Variants in NHSL2 observed in about 807,000 individuals in gnomAD.
The protein encoded by NHSL2 is NHS like 2, also known as NHS-like protein 2.
A neutral mutation model predicts 53.4 loss-of-function variants in NHSL2; 27 were observed. The observed-to-expected ratio is 0.51, with a 90% CI of 0.37 to 0.70. NHSL2 has a LOEUF of 0.70. Ranked by LOEUF, NHSL2 falls within the 30% of genes least tolerant of loss-of-function variation. NHSL2 has a pLI of 0.00. For missense variants in NHSL2, 892 were observed against 980.1 expected, an observed-to-expected ratio of 0.91 and a Z score of 1.20; for synonymous variants, 408 against 404.1, an observed-to-expected ratio of 1.01 and a Z score of -0.12.
intron 1 of NHSL2, among the ~76,000 whole-genome samples, chrX:71,944,329 A>G (rs775366719): frequency 1.3e-3 from 142 of 112,534 alleles, no homozygotes; most frequent in African/African-American, 4.5e-3. Flanking sequence ...GCTGTGAGGT[A>G]GGCAACCAGC....
chrX:72,143,436 A>G lies in NHSL2; in HGVS notation c.3540A>G (p.Leu1180=). 8.6e-7 allele frequency: 1 copy of G among 1,167,384 alleles called. No homozygotes were observed. Residue 1180 remains leucine, a synonymous_variant, in exon 8 of 8, where the codon CTA becomes CTG. Transcript: ENST00000633930. ...GAAATGACGATTTCAAGGCCTTGCT[A>G]CAGAAGAAGGGAAGTAAGGCAACTC... is the stretch of plus-strand genomic sequence containing the variant. ...AGRNDDFKAL[L]QKKGSKATPR... is the part of the protein sequence containing the mutation.
chrX:72,059,366 A>G (rs1431372457), intron 1 of NHSL2, among the ~76,000 whole-genome samples: 4 of 111,193 alleles, frequency 3.6e-5, no homozygotes, highest in African/African-American at 1.3e-4. Context: ...TCCCTTGCCC[A>G]AAGCTTCTGT....
At chrX:71,996,039 A>G (rs771897621) in intron 1 of NHSL2, among the ~76,000 whole-genome samples, 5 of 112,369 alleles carry the variant, frequency 4.4e-5, no homozygotes, top group Non-Finnish European at 9.4e-5. Context: ...TGTAGGAGTT[A>G]GCAGGTCTAG....
intron 1 of NHSL2, among the ~76,000 whole-genome samples, chrX:72,048,070 GATAACAATAATA>G (rs201770064): frequency 0.06 from 6,062 of 101,630 alleles, 250 homozygotes; most frequent in East Asian, 0.2. Flanking sequence ...CACTCATGAT[GATAACAATAATA>G]ATAATAATAA....
intron 1 of NHSL2, among the ~76,000 whole-genome samples, chrX:72,074,646 A>C (rs747146092): frequency 2.9e-4 from 33 of 112,802 alleles, no homozygotes; most frequent in Admixed American, 9.4e-4. Flanking sequence ...AATGTCAAAT[A>C]CAAGGGGAAT....
At chrX:72,083,124 T>A (rs2147426905) in intron 1 of NHSL2, among the ~76,000 whole-genome samples, 1 of 111,609 alleles carries the variant, frequency 9.0e-6, no homozygotes, top group Admixed American at 9.5e-5. Context: ...AGGGTCCCCC[T>A]CTCTCCAGCC....
Position 72,130,898 on chromosome X carries a change from C to A in NHSL2, c.281-1181C>A, listed in dbSNP as rs766056132. On this transcript the variant is annotated intron_variant, in intron 1 of 7. Coordinates refer to ENST00000633930, the MANE Select transcript of NHSL2 (RefSeq NM_001013627.3). ...TCATCCAGGAAGCGCGGGAAGTTGG[C>A]ATGCAAGGGGCTTCCTTCCTGGGTG... 4.1e-6 allele frequency: 5 copies of A among 1,210,145 alleles called. No homozygotes were observed. In the East Asian group the frequency reaches 1.2e-4, roughly 29 times the overall value.
At chrX:72,090,772 A>AGTGTGT (rs372070874) in intron 1 of NHSL2, among the ~76,000 whole-genome samples, 38 of 94,027 alleles carry the variant, frequency 4.0e-4, no homozygotes, top group African/African-American at 8.8e-4. Flanking sequence ...AGTGTATGTG[A>AGTGTGT]GTGTGTGTGT....
At chrX:72,130,606 C>T in intron 1 of NHSL2, 4 of 1,211,586 alleles carry the variant, frequency 3.3e-6, no homozygotes, top group Non-Finnish European at 4.5e-6. Context: ...CTTGGGAACG[C>T]GCACTTTTCT....
At chrX:72,047,648 G>A (rs1295716314) in intron 1 of NHSL2, among the ~76,000 whole-genome samples, 1 of 111,858 alleles carries the variant, frequency 8.9e-6, no homozygotes, top group Non-Finnish European at 1.9e-5. Flanking sequence ...AATGTTTCCT[G>A]ATGAGAACCA....
intron 1 of NHSL2, among the ~76,000 whole-genome samples, chrX:72,098,580 CAAAAAAAA>C (rs59018262): frequency 1.9e-5 from 1 of 51,429 alleles, no homozygotes; most frequent in African/African-American, 6.1e-5. Context: ...GACTCCGTCT[CAAAAAAAA>C]AAAAAAAAGA....
In NHSL2 at chrX:72,148,456, C is replaced by T. The variant is rs970299166; in HGVS notation, c.*4882C>T. 3 of 111,550 alleles carry T rather than the reference C, an allele frequency of 2.7e-5. No individual in the cohort carries two copies. Among genetic ancestry groups the T allele is most frequent in the Non-Finnish European group, 5.6e-5 (3 of 53,180 alleles). 9.2% of individuals were successfully genotyped at this position (111,550 alleles called of 1,213,427 possible). On this transcript the variant is annotated 3_prime_UTR_variant, in exon 8 of 8. Transcript: ENST00000633930. ...CCACAGCCCCCAATCCTTTCAAAGG[C>T]TTTGCATGTATTTCAGCTACAAGTG...
intron 1 of NHSL2, chrX:72,130,995 G>A (rs746593940): frequency 4.1e-6 from 5 of 1,211,138 alleles, no homozygotes; most frequent in Non-Finnish European, 4.5e-6. Context: ...CGGCGCCCCC[G>A]GGGAAATGAA....
Position 72,147,346 on chromosome X carries a change from A to G in NHSL2, c.*3772A>G, listed in dbSNP as rs1343446875. ...GAGGTGCCCGCTCTCAGGGCCATGC[A>G]AGTGCCTTACCCTCGTCCCAGCCCT... On this transcript the variant is annotated 3_prime_UTR_variant, in exon 8 of 8. Transcript: ENST00000633930. 1.8e-5 allele frequency: 2 copies of G among 112,140 alleles called. No individual in the cohort carries two copies. Among genetic ancestry groups the G allele is most frequent in the African/African-American group, 6.5e-5 (2 of 30,839 alleles). 9.2% of individuals were successfully genotyped at this position (112,140 alleles called of 1,213,427 possible). A position where few individuals can be genotyped will look rare whatever the true frequency, so the allele number is the denominator to read the frequency against.
At chrX:72,002,327 A>G (rs6625934) in intron 1 of NHSL2, among the ~76,000 whole-genome samples, 9,692 of 112,194 alleles carry the variant, frequency 0.086, 405 homozygotes, top group East Asian at 0.28. Context: ...GCTATATTAC[A>G]GTCTCTTAGA....
rs1569484410 is a variant in NHSL2 at position 72,140,437 on chromosome X, A to G, written c.2889A>G (p.Thr963=). ...ASSSDAFFSG[T]QQPPQGSVED... is the part of the protein sequence containing the mutation. ...CCTCTGATGCTTTCTTCTCAGGAACACAGCAGCCTCCCCAGGGAAGTGTAG... is the reference window on the plus strand; with the variant it reads ...CCTCTGATGCTTTCTTCTCAGGAACGCAGCAGCCTCCCCAGGGAAGTGTAG... Residue 963 remains threonine, a synonymous_variant, in exon 6 of 8, where the codon ACA becomes ACG. Transcript: ENST00000633930. The G allele has an allele frequency of 8.3e-7, 1 of 1,209,718 alleles. No individual in the cohort carries two copies. Among genetic ancestry groups the G allele is most frequent in the East Asian group, 3.0e-5 (1 of 33,830 alleles).
At chrX:72,040,311 A>T (rs1448247782) in intron 1 of NHSL2, among the ~76,000 whole-genome samples, 1 of 111,968 alleles carries the variant, frequency 8.9e-6, no homozygotes, top group East Asian at 2.8e-4. Flanking sequence ...CCACTCTCTC[A>T]CACACACATA....
intron 1 of NHSL2, among the ~76,000 whole-genome samples, chrX:72,040,715 G>A (rs2042269638): frequency 8.9e-6 from 1 of 112,469 alleles, no homozygotes; most frequent in Non-Finnish European, 1.9e-5. Context: ...CCACAGAGCT[G>A]TCACTTTGGG....
chrX:72,110,809 A>C (rs1043774764), intron 1 of NHSL2, among the ~76,000 whole-genome samples: 1 of 105,676 alleles, frequency 9.5e-6, no homozygotes. Context: ...TACTGAGGCC[A>C]TGGCCTCCTC....
Sources: gnomAD v4.1 joint callset for allele counts (sites outside exome capture counted in the v4.1 genomes callset) on GRCh38, gnomAD v4.1.1 for gene constraint, MANE v1.5 for transcripts, NCBI Gene and HGNC (gene_info 2026-07-23, HGNC 2026-07-21) for gene names.